The following TMEM45A variants were observed in gnomAD, a reference collection of about 807,000 sequenced individuals.
TMEM45A encodes the protein transmembrane protein 45A, also known as DNA polymerase-transactivated protein 4.
Under a neutral mutation model 32.0 loss-of-function variants are expected in TMEM45A, and 25 were observed. The observed-to-expected ratio is 0.78, with a 90% CI of 0.57 to 1.09. The LOEUF (loss-of-function observed/expected upper bound fraction) is 1.09, where lower values mean the gene tolerates loss of function less well. Among genes scored for constraint, TMEM45A ranks in the 50% least tolerant of loss-of-function variants. The probability of loss-of-function intolerance (pLI) is 0.00; values close to 1 mark genes in which losing one functional copy is unlikely to be tolerated. For missense variants in TMEM45A, 302 were observed against 325.0 expected (o/e 0.93, Z 0.54); for synonymous variants, 122 against 114.8 (o/e 1.06, Z -0.40).
chr3:100,552,781 G>A (rs991565206), intron 1 of TMEM45A, among the ~76,000 whole-genome samples: 4 of 152,140 alleles, frequency 2.6e-5, no homozygotes, highest in African/African-American at 7.2e-5. Context: ...TGTAAATTTA[G>A]AACCTCATAG....
chr3:100,503,375 G>A (rs1708034005), intron 1 of TMEM45A, among the ~76,000 whole-genome samples: 1 of 152,174 alleles, frequency 6.6e-6, no homozygotes, highest in Non-Finnish European at 1.5e-5. Flanking sequence ...AAAGTGCTGG[G>A]ATTACAGGCC....
chr3:100,529,869 C>CACTTGTGGAGCACA (rs969040436), intron 1 of TMEM45A, among the ~76,000 whole-genome samples: 18 of 152,174 alleles, frequency 1.2e-4, no homozygotes, highest in African/African-American at 3.9e-4. Context: ...CCACATGCCT[C>CACTTGTGGAGCACA]GGTCTCCCAA....
At chr3:100,524,435 C>T (rs1466099755) in intron 1 of TMEM45A, among the ~76,000 whole-genome samples, 3 of 151,916 alleles carry the variant, frequency 2.0e-5, no homozygotes, top group Non-Finnish European at 2.9e-5. Flanking sequence ...TTTTTCTCTT[C>T]CTCTTTTCCT....
In TMEM45A at chr3:100,556,775, A is replaced by C. The variant is rs1457823972; in HGVS notation, c.206A>C (p.Gln69Pro). ...TTCTTGGCAGGCATGGCTGGGGAGCAGTTTATTCCTGGAGGGCCCCATCTG... is the reference window on the plus strand; with the variant it reads ...TTCTTGGCAGGCATGGCTGGGGAGCCGTTTATTCCTGGAGGGCCCCATCTG... ...GMALTGMAGE[Q>P]FIPGGPHLML... The change falls in exon 3 of 6, where the codon CAG becomes CCG. Residue 69 changes from glutamine (Q) to proline (P), a missense_variant. By Grantham distance (76) the Gln-to-Pro change is moderately conservative. Coordinates refer to ENST00000323523, the MANE Select transcript of TMEM45A (RefSeq NM_018004.3). The C allele has an allele frequency of 6.2e-7, 1 of 1,613,254 alleles. No individual in the cohort carries two copies. Among genetic ancestry groups the C allele is most frequent in the African/African-American group, 1.3e-5 (1 of 74,924 alleles).
chr3:100,528,560 G>A (rs1705590640), intron 1 of TMEM45A, among the ~76,000 whole-genome samples: 1 of 152,114 alleles, frequency 6.6e-6, no homozygotes, highest in Non-Finnish European at 1.5e-5. Context: ...TGGACCCCTT[G>A]TTTTTTTCTG....
intron 1 of TMEM45A, among the ~76,000 whole-genome samples, chr3:100,502,501 C>A (rs563939176): frequency 1.0e-3 from 155 of 152,286 alleles, no homozygotes; most frequent in African/African-American, 3.4e-3. Context: ...GGGTCCCACT[C>A]TGTTGCCCAG....
intron 1 of TMEM45A, among the ~76,000 whole-genome samples, chr3:100,498,967 C>T (rs1472577243): frequency 1.3e-5 from 2 of 152,058 alleles, no homozygotes; most frequent in African/African-American, 4.8e-5. Flanking sequence ...TTTGCATTTC[C>T]CTAATGTTTA....
At chr3:100,553,694 T>C (rs762202892) in intron 1 of TMEM45A, among the ~76,000 whole-genome samples, 2 of 152,206 alleles carry the variant, frequency 1.3e-5, no homozygotes, top group Non-Finnish European at 2.9e-5. Context: ...CTCCTTCTTT[T>C]ATTAATTAAG....
chr3:100,554,806 A>C (rs1459994878), intron 1 of TMEM45A, among the ~76,000 whole-genome samples: 2 of 152,308 alleles, frequency 1.3e-5, no homozygotes, highest in Non-Finnish European at 2.9e-5. Context: ...AATCCTTTTC[A>C]TTTCTGTGTT....
intron 1 of TMEM45A, among the ~76,000 whole-genome samples, chr3:100,526,145 C>G (rs1705540893): frequency 6.6e-6 from 1 of 152,180 alleles, no homozygotes; most frequent in South Asian, 2.1e-4. Flanking sequence ...TCCTGAAATA[C>G]CATTTAGCCC....
Position 100,492,763 on chromosome 3 carries a change from C to T in TMEM45A, c.-169C>T, listed in dbSNP as rs1370566407. The stretch of plus-strand genomic sequence containing the variant: ...GACCCAAGTTTAAAAATTCCTCCCC[C>T]CACCCAATGCGAGACGTGGCCAGAT... On this transcript the variant is annotated 5_prime_UTR_variant, in exon 1 of 6. Coordinates refer to ENST00000323523, the MANE Select transcript of TMEM45A (RefSeq NM_018004.3). The T allele has an allele frequency of 6.8e-6, 1 of 146,760 alleles. No homozygotes were observed. Among genetic ancestry groups the T allele is most frequent in the Non-Finnish European group, 1.5e-5 (1 of 66,510 alleles). The allele number at this position is 146,760 out of a possible 1,614,324, so 9.1% of individuals were successfully genotyped here. A position where few individuals can be genotyped will look rare whatever the true frequency, so the allele number is the denominator to read the frequency against.
chr3:100,524,023 G>T (rs928704191), intron 1 of TMEM45A, among the ~76,000 whole-genome samples: 1 of 152,208 alleles, frequency 6.6e-6, no homozygotes, highest in African/African-American at 2.4e-5. Flanking sequence ...AGGGAGAGGA[G>T]ACCTCTACAT....
At position 100,556,912 on chromosome 3, in the gene TMEM45A, A is replaced by G; in HGVS notation, c.343A>G (p.Ile115Val). The G allele has an allele frequency of 6.2e-7, 1 of 1,614,202 alleles. No individual in the cohort carries two copies. The highest frequency in any genetic ancestry group is 8.5e-7 in the Non-Finnish European group (1 of 1,180,030). Reference sequence around the variant, plus strand: ...TGTGGCAGATATCTTATGTTTCACCATCAGTTCACTTCCTGTGTCCTTAAC... The same window carrying G: ...TGTGGCAGATATCTTATGTTTCACCGTCAGTTCACTTCCTGTGTCCTTAAC... The part of the protein sequence containing the change: ...LGVADILCFT[I>V]SSLPVSLTKL... The change falls in exon 3 of 6, where the codon ATC (isoleucine) becomes GTC (valine). Residue 115 changes from isoleucine (I) to valine (V), a missense_variant. Coordinates refer to ENST00000323523, the MANE Select transcript of TMEM45A (RefSeq NM_018004.3).
intron 1 of TMEM45A, among the ~76,000 whole-genome samples, chr3:100,513,427 C>G (rs1237353190): frequency 8.3e-5 from 12 of 145,166 alleles, no homozygotes; most frequent in East Asian, 2.0e-4. Context: ...ATTCAACAAC[C>G]CTTCATGCTA....
chr3:100,546,875 T>C (rs1330716191), intron 1 of TMEM45A, among the ~76,000 whole-genome samples: 1 of 152,212 alleles, frequency 6.6e-6, no homozygotes, highest in Non-Finnish European at 1.5e-5. Context: ...GGCTCTGGTC[T>C]TCGTTAACTC....
At chr3:100,567,540 A>G (rs908259570) in intron 4 of TMEM45A, among the ~76,000 whole-genome samples, 1 of 151,138 alleles carries the variant, frequency 6.6e-6, no homozygotes, top group East Asian at 1.9e-4. Flanking sequence ...AAAAAAAAAA[A>G]AGAACATTGG....
intron 1 of TMEM45A, among the ~76,000 whole-genome samples, chr3:100,551,332 GT>G (rs1706098222): frequency 6.6e-6 from 1 of 152,124 alleles, no homozygotes; most frequent in South Asian, 2.1e-4. Flanking sequence ...TTCTTAGGAG[GT>G]TGTAAGTGGT....
At chr3:100,510,393 C>T (rs1319951223) in intron 1 of TMEM45A, among the ~76,000 whole-genome samples, 3 of 152,280 alleles carry the variant, frequency 2.0e-5, no homozygotes, top group Admixed American at 2.0e-4. Flanking sequence ...CTCCAACAGA[C>T]CTGCAGCTGA....
At chr3:100,542,175 G>T (rs1705895832) in intron 1 of TMEM45A, among the ~76,000 whole-genome samples, 1 of 152,042 alleles carries the variant, frequency 6.6e-6, no homozygotes, top group African/African-American at 2.4e-5. Flanking sequence ...AATATTATTT[G>T]CTAATTCTGT....
Sources: allele counts gnomAD v4.1 joint callset (sites outside exome capture counted in the v4.1 genomes callset), GRCh38; gene constraint gnomAD v4.1.1; transcripts MANE v1.5; gene names NCBI Gene and HGNC (gene_info 2026-07-23, HGNC 2026-07-21).